Variants in GUCY1A2 observed in about 807,000 individuals in gnomAD.
GUCY1A2 encodes guanylate cyclase soluble subunit alpha-2.
A neutral mutation model predicts 63.5 loss-of-function variants in GUCY1A2; 27 were observed. The observed-to-expected ratio is 0.43, with a 90% confidence interval of 0.31 to 0.59. GUCY1A2 has a LOEUF of 0.59. GUCY1A2 is among the 20% of genes least tolerant of loss of function. The pLI is 0.11. For synonymous variants in GUCY1A2, 364 were observed against 343.5 expected (o/e 1.06, Z -0.66); for missense variants, 768 against 913.3 (o/e 0.84, Z 2.05).
chr11:106,748,807 A>C (rs911523310), intron 6 of GUCY1A2, among the ~76,000 whole-genome samples: 3 of 150,886 alleles, frequency 2.0e-5, no homozygotes, highest in Non-Finnish European at 4.4e-5. Context: ...TGGATTTAAA[A>C]ATTACTTTAG....
chr11:106,935,841 T>A (rs1339004334), intron 4 of GUCY1A2, among the ~76,000 whole-genome samples: 1 of 142,502 alleles, frequency 7.0e-6, no homozygotes, highest in Non-Finnish European at 1.5e-5. Context: ...ACAGCAAGAC[T>A]CCATCTCCAA....
In GUCY1A2 at chr11:106,724,845, C is replaced by A. The variant is rs186167143; in HGVS notation, c.1837-16179G>T. Reference sequence around the variant, plus strand: ...GAGTGTGCAACACTCTGTGTCAAGCCCTTCGCATCTATTATCTCATTTGAT... The same window carrying A: ...GAGTGTGCAACACTCTGTGTCAAGCACTTCGCATCTATTATCTCATTTGAT... On this transcript the variant is annotated intron_variant, in intron 6 of 7. Transcript: ENST00000526355. Among the ~76,000 whole-genome samples the A allele has an allele frequency of 3.9e-5, 6 of 152,164 alleles. No homozygotes were observed. The East Asian group carries it at 1.2e-3, about 29-fold the overall frequency.
At chr11:106,822,757 T>C (rs1369759992) in intron 4 of GUCY1A2, among the ~76,000 whole-genome samples, 1 of 152,194 alleles carries the variant, frequency 6.6e-6, no homozygotes, top group African/African-American at 2.4e-5. Context: ...CCTGTACTCA[T>C]CATTTTCCCT....
At chr11:106,893,073 A>C (rs1356384831) in intron 4 of GUCY1A2, among the ~76,000 whole-genome samples, 4 of 152,204 alleles carry the variant, frequency 2.6e-5, no homozygotes, top group African/African-American at 9.6e-5. Context: ...TCTTCTTCCC[A>C]AAAAATGTCA....
chr11:106,976,171 T>G (rs1861259293), intron 3 of GUCY1A2, among the ~76,000 whole-genome samples: 1 of 152,096 alleles, frequency 6.6e-6, no homozygotes, highest in Admixed American at 6.5e-5. Context: ...TTTGCCAATC[T>G]CAGTCCACCA....
rs1174204577 is a variant in GUCY1A2, at chr11:106,939,720, G to C, written c.946C>G (p.Leu316Val). 1 of 1,613,538 alleles carries C rather than the reference G, an allele frequency of 6.2e-7. No individual in the cohort carries two copies. Among genetic ancestry groups the C allele is most frequent in the Admixed American group, 1.7e-5 (1 of 59,992 alleles). Residue 316 changes from leucine to valine, a missense_variant, in exon 4 of 8, where the codon CTC becomes GTC. Leu to Val is a conservative substitution (Grantham distance 32, BLOSUM62 1). Around this residue, in one of 3 missense-constraint regions of GUCY1A2, gnomAD observed 496 missense variants for 486.9 expected, o/e 1.02. Transcript: ENST00000526355. ...CAGAAGGTGTTGATGCTAATTCTGA[G>C]GTCCGCAGGAACTTGGGAGGTTCCC... ...PQGTSQVPAD[L>V]RISINTFCRA...
At chr11:106,786,896 T>C (rs1053394746) in intron 5 of GUCY1A2, among the ~76,000 whole-genome samples, 1 of 152,208 alleles carries the variant, frequency 6.6e-6, no homozygotes, top group African/African-American at 2.4e-5. Flanking sequence ...GAAAATAATA[T>C]TGAGTCTATT....
At chr11:106,737,103 G>A (rs1863603448) in intron 6 of GUCY1A2, among the ~76,000 whole-genome samples, 1 of 152,138 alleles carries the variant, frequency 6.6e-6, no homozygotes, top group African/African-American at 2.4e-5. Context: ...AACTGTCATT[G>A]CTTTTCATTG....
intron 6 of GUCY1A2, chr11:106,746,738 G>T: frequency 1.6e-6 from 1 of 630,802 alleles, no homozygotes; most frequent in Non-Finnish European, 2.8e-6. Context: ...ATATAGCCAT[G>T]ATTTTGTAGT....
In GUCY1A2 at chr11:106,730,086, ATATATATATT is replaced by A. The variant is rs1307092960; in HGVS notation, c.1837-21430_1837-21421del. 5.0e-3 allele frequency among the ~76,000 whole-genome samples: 640 copies of A among 128,396 alleles called. 8 individuals are homozygous for A. Among genetic ancestry groups the A allele is most frequent in the South Asian group, 0.032 (126 of 3,956 alleles). The allele number at this position is 128,396 out of a possible 152,430, so 84.2% of individuals were successfully genotyped here. A position where few individuals can be genotyped will look rare whatever the true frequency, so the allele number is the denominator to read the frequency against. ...TATATATATATATATATATATATAT[ATATATATATT>A]ATAGTATATAATATATACTGTTTTT... is the stretch of plus-strand genomic sequence containing the variant. On this transcript the variant is annotated intron_variant, in intron 6 of 7. Coordinates refer to ENST00000526355, the MANE Select transcript of GUCY1A2 (RefSeq NM_000855.3).
At chr11:106,928,832 T>C (rs1169613546) in intron 4 of GUCY1A2, among the ~76,000 whole-genome samples, 1 of 152,244 alleles carries the variant, frequency 6.6e-6, no homozygotes, top group Non-Finnish European at 1.5e-5. Flanking sequence ...TTTACAATCC[T>C]ATGGGACCAC....
intron 4 of GUCY1A2, among the ~76,000 whole-genome samples, chr11:106,891,256 T>C (rs1859969769): frequency 6.6e-6 from 1 of 152,196 alleles, no homozygotes; most frequent in Non-Finnish European, 1.5e-5. Context: ...TGTCCATTTA[T>C]TAAAAAATAG....
chr11:106,733,232 T>C (rs1321233266), intron 6 of GUCY1A2, among the ~76,000 whole-genome samples: 2 of 152,154 alleles, frequency 1.3e-5, no homozygotes, highest in Non-Finnish European at 2.9e-5. Flanking sequence ...TCTTTTTTAG[T>C]TAGATGTACT....
rs117955992 is a variant in GUCY1A2, at chr11:106,867,626, C to T, written c.1207-57148G>A. On this transcript the variant is annotated intron_variant, in intron 4 of 7. Transcript: ENST00000526355. Reference sequence around the variant, plus strand: ...TGAAATAAATTAAATCCAAGTTCAACGACACAGCATGAATGCTAAGGACCA... The same window carrying T: ...TGAAATAAATTAAATCCAAGTTCAATGACACAGCATGAATGCTAAGGACCA... 4.8e-4 allele frequency among the ~76,000 whole-genome samples: 73 copies of T among 152,100 alleles called. No homozygotes were observed. In the East Asian group the frequency reaches 0.011, roughly 24 times the overall value.
intron 4 of GUCY1A2, among the ~76,000 whole-genome samples, chr11:106,876,367 T>C (rs10890618): frequency 0.69 from 104,865 of 151,904 alleles, 36,689 homozygotes; most frequent in Non-Finnish European, 0.76. Context: ...ACAGATACAA[T>C]ATAAAATAAG....
intron 6 of GUCY1A2, among the ~76,000 whole-genome samples, chr11:106,755,864 C>G (rs1445843521): frequency 6.6e-6 from 1 of 152,044 alleles, no homozygotes; most frequent in African/African-American, 2.4e-5. Flanking sequence ...CTATTAGGTC[C>G]ACTCGGTCCA....
chr11:106,705,951 AT>A (rs1269384203), intron 7 of GUCY1A2, among the ~76,000 whole-genome samples: 1 of 152,150 alleles, frequency 6.6e-6, no homozygotes, highest in Non-Finnish European at 1.5e-5. Context: ...TACAAAGAAA[AT>A]GTTTTGTTCA....
At chr11:106,715,639 C>G (rs1027623823) in intron 6 of GUCY1A2, among the ~76,000 whole-genome samples, 1 of 152,164 alleles carries the variant, frequency 6.6e-6, no homozygotes. Context: ...ACCTTCCATC[C>G]CTTCTCCATC....
chr11:106,739,854 A>G (rs1863659662), intron 6 of GUCY1A2, among the ~76,000 whole-genome samples: 1 of 152,128 alleles, frequency 6.6e-6, no homozygotes, highest in Non-Finnish European at 1.5e-5. Flanking sequence ...GGAGTTAAGC[A>G]TGGGTACAGG....
Sources: allele counts gnomAD v4.1 joint callset (sites outside exome capture counted in the v4.1 genomes callset), GRCh38; gene constraint gnomAD v4.1.1; regional missense constraint gnomAD v4.1.1; transcripts MANE v1.5; gene names NCBI Gene and HGNC (gene_info 2026-07-23, HGNC 2026-07-21).